The following PLCXD1 variants were observed in gnomAD, a reference collection of about 807,000 sequenced individuals.
PLCXD1 encodes PI-PLC X domain-containing protein 1.
In PLCXD1, 45 loss-of-function variants were observed where a neutral mutation model predicts 37.8. The observed-to-expected ratio is 1.19, with a 90% confidence interval of 0.94 to 1.53. PLCXD1 has a LOEUF of 1.53. PLCXD1 is among the 40% of genes most tolerant of loss of function. PLCXD1 has a pLI of 0.00. For missense variants in PLCXD1, 539 were observed against 454.7 expected, an observed-to-expected ratio of 1.19 and a Z score of -1.69; for synonymous variants, 246 against 206.9, an observed-to-expected ratio of 1.19 and a Z score of -1.62.
chrX:291,756 C>G, intron 5 of PLCXD1, 102 bp downstream of exon 5: 1 of 1,315,128 alleles, frequency 7.6e-7, no homozygotes, highest in Non-Finnish European at 1.1e-6. Context: ...GCCATGATTC[C>G]TGTAGCAGGT....
At position 286,093 on chromosome X, in the gene PLCXD1, T is replaced by A. The variant is rs2069444867; in HGVS notation, c.127+1779T>A. Among the ~76,000 whole-genome samples the A allele has an allele frequency of 2.0e-5, 3 of 152,098 alleles. No homozygotes were observed. In the South Asian group the frequency reaches 6.2e-4, roughly 32 times the overall value. ...AATTTTTTTTTTTTGAGACGGAGTTTTGCTCTTATCGCCCAGGCTCGAGTG... is the reference window on the plus strand; with the variant it reads ...AATTTTTTTTTTTTGAGACGGAGTTATGCTCTTATCGCCCAGGCTCGAGTG... On this transcript the variant is annotated intron_variant, in intron 2 of 6. Coordinates refer to ENST00000381657, the MANE Select transcript of PLCXD1 (RefSeq NM_018390.4).
At position 299,650 on chromosome X, in the gene PLCXD1, G is replaced by A. The variant is rs1318157088; in HGVS notation, c.*315G>A. 3.8e-5 allele frequency: 18 copies of A among 471,380 alleles called. No homozygotes were observed. Among genetic ancestry groups the A allele is most frequent in the Middle Eastern group, 5.8e-4 (1 of 1,726 alleles). The allele number at this position is 471,380 out of a possible 1,614,324, so 29.2% of individuals were successfully genotyped here. A position where few individuals can be genotyped will look rare whatever the true frequency, so the allele number is the denominator to read the frequency against. On this transcript the variant is annotated 3_prime_UTR_variant, in exon 7 of 7. Transcript: ENST00000381657. ...CAGGCGCCTGTAGTCCCAGTTACTC[G>A]GGAGGCTCAGGCAGGAGAACTGCTT...
intron 4 of PLCXD1, among the ~76,000 whole-genome samples, 197 bp from the exon 5 acceptor site, chrX:291,302 C>T (rs1341730735): frequency 7.2e-5 from 11 of 152,174 alleles, no homozygotes; most frequent in African/African-American, 2.4e-4. Flanking sequence ...CCGGACACCA[C>T]GCCCAGCTAA....
At chrX:287,321 T>G (rs1200411473) in intron 2 of PLCXD1, among the ~76,000 whole-genome samples, 1 of 141,104 alleles carries the variant, frequency 7.1e-6, no homozygotes, top group African/African-American at 2.5e-5. Flanking sequence ...CATTTATATA[T>G]TATATTTATA....
chrX:285,771 G>A (rs1327647025), intron 2 of PLCXD1, among the ~76,000 whole-genome samples: 5 of 152,092 alleles, frequency 3.3e-5, no homozygotes, highest in South Asian at 2.1e-4. Context: ...ACACAGATAC[G>A]TATTGTCAAC....
chrX:293,638 G>C (rs990209136), intron 6 of PLCXD1, among the ~76,000 whole-genome samples: 4 of 152,168 alleles, frequency 2.6e-5, no homozygotes, highest in Non-Finnish European at 4.4e-5. Context: ...GTACATTGGC[G>C]GGGGGAGGGA....
At chrX:284,470 C>T (rs2069380141) in intron 2 of PLCXD1, among the ~76,000 whole-genome samples, 156 bp downstream of exon 2, 1 of 152,158 alleles carries the variant, frequency 6.6e-6, no homozygotes, top group African/African-American at 2.4e-5. Context: ...TGTGGACACA[C>T]ACATACACAC....
At chrX:282,862 T>C (rs2069311898) in intron 1 of PLCXD1, among the ~76,000 whole-genome samples, 1 of 143,508 alleles carries the variant, frequency 7.0e-6, no homozygotes, top group Non-Finnish European at 1.5e-5. Flanking sequence ...TATAGTGATG[T>C]ATATATGTAT....
Position 288,846 on chromosome X carries a change from G to C in PLCXD1, c.241G>C (p.Val81Leu). ...CTTGCCCTGCATCACGCGCCCTGTC[G>C]TGCTGAAATGGTCCGTCACCCAGGT... ...KALPCITRPV[V>L]LKWSVTQALD... Residue 81 changes from valine (V) to leucine (L), a missense_variant, in exon 3 of 7, where the codon GTG (valine) becomes CTG (leucine). Coordinates refer to ENST00000381657, the MANE Select transcript of PLCXD1 (RefSeq NM_018390.4). The C allele has an allele frequency of 6.2e-7, 1 of 1,613,012 alleles. No individual in the cohort carries two copies. The highest frequency in any genetic ancestry group is 8.5e-7 in the Non-Finnish European group (1 of 1,179,810).
chrX:294,454 C>T (rs190048535), intron 6 of PLCXD1, among the ~76,000 whole-genome samples: 2,286 of 150,976 alleles, frequency 0.015, 68 homozygotes, highest in African/African-American at 0.053. Context: ...TGAACTCCAG[C>T]CTGGGCGACA....
intron 2 of PLCXD1, among the ~76,000 whole-genome samples, chrX:286,411 T>C (rs1398390178): frequency 6.6e-6 from 1 of 152,114 alleles, no homozygotes; most frequent in Non-Finnish European, 1.5e-5. Context: ...AGTCTAGAGC[T>C]GACCTAGTAA....
chrX:285,173 CATGGATGCATAT>C (rs2069407836), intron 2 of PLCXD1, among the ~76,000 whole-genome samples: 1 of 151,944 alleles, frequency 6.6e-6, no homozygotes, highest in South Asian at 2.1e-4. Flanking sequence ...CACATATGCA[CATGGATGCATAT>C]ACATGCACAC....
rs1487680023 is a variant in PLCXD1, at chrX:288,737, C to T, written c.132C>T (p.Ser44=). 1 of 1,613,780 alleles carries T rather than the reference C, an allele frequency of 6.2e-7. No homozygotes were observed. The change falls in exon 3 of 7, where the codon AGC becomes AGT. Residue 44 remains serine (S), a synonymous_variant. Transcript: ENST00000381657. ...VPLHHLSIPG[S]HDTMTYCLNK... The stretch of plus-strand genomic sequence containing the variant: ...GCGTGTGTGCTTTGCTCTCAGGGAG[C>T]CACGACACGATGACGTACTGCCTGA...
At chrX:296,061 C>T (rs1041418064) in intron 6 of PLCXD1, among the ~76,000 whole-genome samples, 7 of 152,114 alleles carry the variant, frequency 4.6e-5, no homozygotes, top group African/African-American at 1.7e-4. Flanking sequence ...ATCTGCCCGC[C>T]TTGGCCTCCC....
In PLCXD1 at chrX:300,572, G is replaced by GTACATGTATATGTGTTTA. The variant is rs1313420838; in HGVS notation, c.*1253_*1270dup. ...TGTGTATGCATGTATATGTGTATGT[G>GTACATGTATATGTGTTTA]TACATGTATATGTGTTTATACATGT... On this transcript the variant is annotated 3_prime_UTR_variant, in exon 7 of 7. Transcript: ENST00000381657. 6.7e-6 allele frequency: 1 copy of GTACATGTATATGTGTTTA among 148,360 alleles called. No homozygotes were observed. Among genetic ancestry groups the GTACATGTATATGTGTTTA allele is most frequent in the Non-Finnish European group, 1.5e-5 (1 of 67,822 alleles). 9.2% of individuals were successfully genotyped at this position (148,360 alleles called of 1,614,324 possible).
At chrX:280,180 T>A (rs748765032), upstream of PLCXD1, among the ~76,000 whole-genome samples, 2 of 152,070 alleles carry the variant, frequency 1.3e-5, no homozygotes, top group Admixed American at 1.3e-4. Context: ...TAACCTCCCC[T>A]CCACCCCGCG....
At chrX:280,063 G>A (rs1462624044), upstream of PLCXD1, among the ~76,000 whole-genome samples, 1 of 152,160 alleles carries the variant, frequency 6.6e-6, no homozygotes, top group Non-Finnish European at 1.5e-5. Flanking sequence ...TGGCCAGGCC[G>A]GTTTCGAACT....
In PLCXD1 at chrX:302,932, C is replaced by CAATG. The variant is rs1187046279; in HGVS notation, c.*3598_*3601dup. The CAATG allele has an allele frequency of 6.6e-6, 1 of 152,122 alleles. No homozygotes were observed. Among genetic ancestry groups the CAATG allele is most frequent in the African/African-American group, 2.4e-5 (1 of 41,420 alleles). The allele number at this position is 152,122 out of a possible 1,614,324, so 9.4% of individuals were successfully genotyped here. ...CTGCTGGTTCAAGTTCCCAGCCAGC[C>CAATG]AATGGATGCCAGCACCATTTTTACT... is the stretch of plus-strand genomic sequence containing the variant. On this transcript the variant is annotated 3_prime_UTR_variant, in exon 7 of 7. Transcript: ENST00000381657.
rs150030199 is a variant in PLCXD1, at chrX:293,766, C to T, written c.733+548C>T. 7.4e-3 allele frequency among the ~76,000 whole-genome samples: 1,119 copies of T among 152,218 alleles called. 10 individuals are homozygous for T. The highest frequency in any genetic ancestry group is 0.025 in the African/African-American group (1,022 of 41,522). ...AGACATCACGCTCAGTGAGAGAAGC[C>T]AGACACAAAAGGACACGTAGTGTGT... On this transcript the variant is annotated intron_variant, in intron 6 of 6. Transcript: ENST00000381657.
Sources: allele counts gnomAD v4.1 joint callset (sites outside exome capture counted in the v4.1 genomes callset), GRCh38; gene constraint gnomAD v4.1.1; transcripts MANE v1.5; gene names NCBI Gene and HGNC (gene_info 2026-07-23, HGNC 2026-07-21).